Variants in DLGAP1 observed in about 807,000 individuals in gnomAD.
DLGAP1 encodes the protein disks large-associated protein 1.
DLGAP1 carries 11 observed loss-of-function variants against 90.8 expected under a neutral mutation model. The ratio of observed to expected loss-of-function variants is 0.12; its 90% confidence interval spans 0.08 to 0.20. DLGAP1 has a LOEUF of 0.20. Among genes scored for constraint, DLGAP1 ranks in the 10% least tolerant of loss-of-function variants. The pLI is 1.00. For synonymous variants in DLGAP1, 558 were observed against 540.7 expected (o/e 1.03, Z -0.44); for missense variants, 1,050 against 1,333.8 (o/e 0.79, Z 3.31).
intron 9 of DLGAP1, among the ~76,000 whole-genome samples, chr18:3,558,611 C>T (rs1187971572): frequency 6.6e-6 from 1 of 152,158 alleles, no homozygotes; most frequent in African/African-American, 2.4e-5. Flanking sequence ...GAATTGACCC[C>T]TTTATCATCA....
intron 1 of DLGAP1, among the ~76,000 whole-genome samples, chr18:4,407,990 T>C (rs2144585554): frequency 6.6e-6 from 1 of 152,298 alleles, no homozygotes; most frequent in Admixed American, 6.5e-5. Flanking sequence ...GGTATGGAGA[T>C]GAACGTGAGT....
chr18:3,761,577 TC>T (rs1242333505), intron 5 of DLGAP1, among the ~76,000 whole-genome samples: 6 of 145,752 alleles, frequency 4.1e-5, no homozygotes, highest in African/African-American at 1.1e-4. Context: ...TTTCTTTCTT[TC>T]TTTTTTTTTT....
intron 7 of DLGAP1, among the ~76,000 whole-genome samples, chr18:3,614,658 T>G: frequency 8.2e-6 from 1 of 122,442 alleles, no homozygotes; most frequent in Admixed American, 9.9e-5. Context: ...CTGACCAACA[T>G]GGAGAAACCC....
In DLGAP1 at chr18:4,329,378, T is replaced by C. The variant is rs76547301; in HGVS notation, c.-267+125628A>G. Among the ~76,000 whole-genome samples, 1,146 of 152,062 alleles carry C rather than the reference T, an allele frequency of 7.5e-3. 18 individuals carry two copies. The highest frequency in any genetic ancestry group is 0.026 in the African/African-American group (1,086 of 41,520). ...ATGTATTCTTATTGCAATATCACAC[T>C]ATCTTGACTATTTTAGCAGTAGAGT... On this transcript the variant is annotated intron_variant, in intron 1 of 12. Transcript: ENST00000315677.
chr18:4,105,048 T>C (rs2075837072), intron 2 of DLGAP1, among the ~76,000 whole-genome samples: 1 of 152,132 alleles, frequency 6.6e-6, no homozygotes, highest in Non-Finnish European at 1.5e-5. Context: ...GGCTAGGCAC[T>C]GTGCTGGCTG....
In DLGAP1 at chr18:3,727,320, T is replaced by G. The variant is rs2062220448; in HGVS notation, c.1591+1815A>C. On this transcript the variant is annotated intron_variant, in intron 7 of 12. Transcript: ENST00000315677. This position sits in a 1 kb window ranked among gnomAD's most constrained non-coding sequence, Gnocchi z 4.7. ...ATGGGACAGGCGCTGATGCAGGAAG[T>G]GTAAGTAAAATGACAAAAACACGCA... Among the ~76,000 whole-genome samples, 1 of 151,970 alleles carries G rather than the reference T, an allele frequency of 6.6e-6. No homozygotes were observed. The highest frequency in any genetic ancestry group is 2.4e-5 in the African/African-American group (1 of 41,350).
chr18:4,070,251 G>C (rs1271483188), intron 2 of DLGAP1, among the ~76,000 whole-genome samples: 1 of 152,072 alleles, frequency 6.6e-6, no homozygotes, highest in Non-Finnish European at 1.5e-5. Flanking sequence ...CCAAAGTGCT[G>C]GGATTACAAG....
At chr18:3,992,115 G>A (rs1392596569) in intron 3 of DLGAP1, among the ~76,000 whole-genome samples, 1 of 152,106 alleles carries the variant, frequency 6.6e-6, no homozygotes, top group Non-Finnish European at 1.5e-5. Flanking sequence ...CCTGTGCCTT[G>A]AAAATGTTCA....
At chr18:3,669,339 CGGACCTAGGCGA>C (rs2036308588) in intron 7 of DLGAP1, among the ~76,000 whole-genome samples, 1 of 152,054 alleles carries the variant, frequency 6.6e-6, no homozygotes, top group African/African-American at 2.4e-5. Context: ...TCTACCCCCA[CGGACCTAGGCGA>C]GGACAGGCAC....
chr18:3,954,193 T>C (rs1272612012), intron 3 of DLGAP1, among the ~76,000 whole-genome samples: 1 of 152,214 alleles, frequency 6.6e-6, no homozygotes, highest in East Asian at 1.9e-4. Context: ...ACTTCAAGAA[T>C]TAAGAGATCA....
intron 7 of DLGAP1, among the ~76,000 whole-genome samples, chr18:3,681,280 T>A (rs942908582): frequency 6.6e-6 from 1 of 152,238 alleles, no homozygotes; most frequent in African/African-American, 2.4e-5. Flanking sequence ...TTTCTCATAA[T>A]AATTTGTGAC....
chr18:4,347,145 C>T (rs985635542), intron 1 of DLGAP1, among the ~76,000 whole-genome samples: 4 of 152,138 alleles, frequency 2.6e-5, no homozygotes, highest in Admixed American at 1.3e-4. Context: ...CTAAAATTGA[C>T]TCCATTAATG....
At chr18:4,274,902 A>G (rs2079375017) in intron 1 of DLGAP1, among the ~76,000 whole-genome samples, 1 of 152,208 alleles carries the variant, frequency 6.6e-6, no homozygotes, top group Admixed American at 6.5e-5. Flanking sequence ...CTAAGAAAAA[A>G]TAGACTCCAC....
chr18:3,856,358 C>T (rs1282179461), intron 4 of DLGAP1, among the ~76,000 whole-genome samples: 1 of 152,042 alleles, frequency 6.6e-6, no homozygotes, highest in East Asian at 1.9e-4. Context: ...AGAAAATGGC[C>T]AGTCAAAATA....
At chr18:4,212,580 G>GCCC (rs2077867361) in intron 1 of DLGAP1, among the ~76,000 whole-genome samples, 3 of 147,902 alleles carry the variant, frequency 2.0e-5, no homozygotes, top group African/African-American at 5.0e-5. Flanking sequence ...GCTGAGGCAG[G>GCCC]AGACTGCACT....
At chr18:4,104,704 TTCTCTG>T (rs1286887734) in intron 2 of DLGAP1, among the ~76,000 whole-genome samples, 2 of 152,206 alleles carry the variant, frequency 1.3e-5, no homozygotes, top group East Asian at 1.9e-4. Flanking sequence ...TATACATCTC[TTCTCTG>T]TCTCTGTCTC....
chr18:4,364,002 A>G (rs2144129602), intron 1 of DLGAP1, among the ~76,000 whole-genome samples: 1 of 152,040 alleles, frequency 6.6e-6, no homozygotes, highest in South Asian at 2.1e-4. Flanking sequence ...ACTTGGAACC[A>G]ACCCAAATGT....
chr18:3,671,027 A>G (rs1444877405), intron 7 of DLGAP1, among the ~76,000 whole-genome samples: 1 of 152,180 alleles, frequency 6.6e-6, no homozygotes, highest in Non-Finnish European at 1.5e-5. Context: ...CTGAGCCAGT[A>G]TTACTTCTAG....
chr18:3,808,958 C>A (rs2066696504), intron 5 of DLGAP1, among the ~76,000 whole-genome samples: 1 of 152,248 alleles, frequency 6.6e-6, no homozygotes, highest in Non-Finnish European at 1.5e-5. Context: ...AAATTATTTT[C>A]TTTACCAATA....
Sources: gnomAD v4.1 joint callset for allele counts (sites outside exome capture counted in the v4.1 genomes callset) on GRCh38, gnomAD v4.1.1 for gene constraint, Gnocchi (gnomAD v3.1) non-coding constraint, MANE v1.5 for transcripts, NCBI Gene and HGNC (gene_info 2026-07-23, HGNC 2026-07-21) for gene names.